ZNF519: variants seen among roughly 807,000 people sequenced by gnomAD.
The protein encoded by ZNF519 is similar to Zinc finger protein 85 (Zinc finger protein HPF4) (HTF1).
A neutral mutation model predicts 7.4 loss-of-function variants in ZNF519; 7 were observed. That is an observed-to-expected ratio of 0.94 (90% confidence interval 0.54 to 1.77). ZNF519 has a LOEUF of 1.77. ZNF519 is among the 40% of genes most tolerant of loss of function. The probability of loss-of-function intolerance (pLI) is 0.00; values close to 1 mark genes in which losing one functional copy is unlikely to be tolerated. For missense variants in ZNF519, 586 were observed against 623.1 expected (o/e 0.94, Z 0.63); for synonymous variants, 179 against 203.3 (o/e 0.88, Z 1.02).
chr18:14,115,780 A>G (rs1367593222), intron 2 of ZNF519, among the ~76,000 whole-genome samples: 1 of 152,198 alleles, frequency 6.6e-6, no homozygotes, highest in Non-Finnish European at 1.5e-5. Context: ...TTAAGACTTT[A>G]TGTGCAAAAA....
intron 2 of ZNF519, among the ~76,000 whole-genome samples, chr18:14,092,464 G>A (rs112319124): frequency 2.0e-4 from 30 of 152,270 alleles, no homozygotes; most frequent in African/African-American, 6.5e-4. Context: ...TTATAAATGT[G>A]ACAGGTCATT....
At chr18:14,112,059 T>C (rs1209894403) in intron 2 of ZNF519, among the ~76,000 whole-genome samples, 6 of 152,162 alleles carry the variant, frequency 3.9e-5, no homozygotes, top group African/African-American at 2.4e-5. Context: ...AAGATTATTA[T>C]AGATGTAAAA....
intron 2 of ZNF519, chr18:14,090,841 T>C (rs1256105011): frequency 6.6e-6 from 1 of 152,258 alleles, no homozygotes; most frequent in Non-Finnish European, 1.5e-5. Context: ...AGAAATGCTA[T>C]ACTTGAGACA....
intron 2 of ZNF519, among the ~76,000 whole-genome samples, chr18:14,113,607 T>C (rs2046232485): frequency 6.6e-6 from 1 of 152,136 alleles, no homozygotes; most frequent in African/African-American, 2.4e-5. Flanking sequence ...ACAATAAAAA[T>C]GGAGGTGCAA....
chr18:14,074,848 G>A (rs990277910), downstream of ZNF519: 3 of 152,098 alleles, frequency 2.0e-5, no homozygotes, highest in Non-Finnish European at 4.4e-5. Flanking sequence ...AAATTTTTGG[G>A]TATCTTTTCA....
intron 2 of ZNF519, chr18:14,123,128 A>T: frequency 4.4e-6 from 1 of 229,276 alleles, no homozygotes; most frequent in Non-Finnish European, 9.4e-6. Context: ...GGGTTTGGCT[A>T]CTGTCTCATC....
intron 1 of ZNF519, among the ~76,000 whole-genome samples, chr18:14,130,575 G>A (rs1054363499): frequency 3.3e-5 from 5 of 151,832 alleles, no homozygotes; most frequent in Admixed American, 1.3e-4. Flanking sequence ...CTTATCCCTT[G>A]GGACTTTCTA....
downstream of ZNF519, among the ~76,000 whole-genome samples, chr18:14,095,142 T>C (rs2046130529): frequency 6.6e-6 from 1 of 150,800 alleles, no homozygotes; most frequent in South Asian, 2.1e-4. Context: ...TTTTGTTGTG[T>C]GTCCATAGTT....
Position 14,105,460 on chromosome 18 carries a change from C to A in ZNF519, c.1080G>T (p.Gly360=), listed in dbSNP as rs371565822. 2 of 1,605,342 alleles carry A rather than the reference C, an allele frequency of 1.2e-6. No individual in the cohort carries two copies. The highest frequency in any genetic ancestry group is 1.7e-5 in the Admixed American group (1 of 59,132). Residue 360 remains glycine, a synonymous_variant, in exon 3 of 3, where the codon GGG becomes GGT. Transcript: ENST00000590202. ...TTCTCTGGTGTTGAGTAAGGTATGA[C>A]CCCCTGTTAAAGGCTTTGCCACATT... The part of the protein sequence containing the change: ...CEECGKAFNR[G]SYLTQHQRIH...
rs1454183968 is a variant in ZNF519 at position 14,104,806 on chromosome 18, T to C, written c.*111A>G. ...TTTATTTAATCTTCATTTTGATGTT[T>C]CAAAAATCATTACACATATGGGATT... On this transcript the variant is annotated 3_prime_UTR_variant, in exon 3 of 3. Transcript: ENST00000590202. 2 of 1,220,292 alleles carry C rather than the reference T, an allele frequency of 1.6e-6. No homozygotes were observed. The highest frequency in any genetic ancestry group is 2.2e-6 in the Non-Finnish European group (2 of 913,748). The allele number at this position is 1,220,292 out of a possible 1,614,324, so 75.6% of individuals were successfully genotyped here. A position where few individuals can be genotyped will look rare whatever the true frequency, so the allele number is the denominator to read the frequency against.
At chr18:14,122,733 T>C (rs1227790085) in intron 2 of ZNF519, 1 of 151,988 alleles carries the variant, frequency 6.6e-6, no homozygotes, top group Non-Finnish European at 1.5e-5. Context: ...GGAGCAAAGA[T>C]TCCCAAACTA....
chr18:14,111,320 C>T (rs1403533668), intron 2 of ZNF519, among the ~76,000 whole-genome samples: 1 of 151,226 alleles, frequency 6.6e-6, no homozygotes, highest in African/African-American at 2.4e-5. Context: ...GCCTGTCCAA[C>T]ATGGCGAAAC....
intron 3 of ZNF519, among the ~76,000 whole-genome samples, chr18:14,083,358 A>G (rs2046077387): frequency 6.6e-6 from 1 of 152,136 alleles, no homozygotes; most frequent in East Asian, 1.9e-4. Context: ...TCAAAAACAA[A>G]ACAAAAAAAC....
intron 2 of ZNF519, among the ~76,000 whole-genome samples, chr18:14,112,018 A>G (rs1269412211): frequency 6.6e-6 from 1 of 152,180 alleles, no homozygotes; most frequent in East Asian, 1.9e-4. Flanking sequence ...TAATAAAAAT[A>G]CTGGCAAGTA....
chr18:14,124,161 G>A (rs1287302164), intron 2 of ZNF519, 189 bp downstream of exon 2: 3 of 422,724 alleles, frequency 7.1e-6, no homozygotes, highest in East Asian at 6.5e-5. Flanking sequence ...TAACAAGAGC[G>A]AAACTCTGTC....
chr18:14,128,478 T>C (rs1366295079), intron 1 of ZNF519, among the ~76,000 whole-genome samples: 1 of 152,212 alleles, frequency 6.6e-6, no homozygotes, highest in African/African-American at 2.4e-5. Context: ...TAATTTGGGC[T>C]GTCATCTGGG....
intron 1 of ZNF519, among the ~76,000 whole-genome samples, chr18:14,128,056 G>A (rs1201326065): frequency 6.6e-6 from 1 of 151,992 alleles, no homozygotes; most frequent in Admixed American, 6.6e-5. Flanking sequence ...CTGGGAGGCC[G>A]AGACGGGCGG....
At chr18:14,118,926 G>GTAGC (rs1389649822) in intron 2 of ZNF519, among the ~76,000 whole-genome samples, 2 of 152,084 alleles carry the variant, frequency 1.3e-5, no homozygotes, top group Non-Finnish European at 2.9e-5. Context: ...CTGCTTCAAG[G>GTAGC]TAGCTAGTAG....
chr18:14,118,722 C>T (rs1169792032), intron 2 of ZNF519, among the ~76,000 whole-genome samples: 1 of 152,162 alleles, frequency 6.6e-6, no homozygotes, highest in Non-Finnish European at 1.5e-5. Flanking sequence ...TCTCAAACTC[C>T]TCTCAGCTAT....
Sources: gnomAD v4.1 joint callset for allele counts (sites outside exome capture counted in the v4.1 genomes callset) on GRCh38, gnomAD v4.1.1 for gene constraint, MANE v1.5 for transcripts, NCBI Gene and HGNC (gene_info 2026-07-23, HGNC 2026-07-21) for gene names.